The following ARHGEF1 variants were observed in gnomAD, a reference collection of about 807,000 sequenced individuals.
ARHGEF1 encodes 115 kDa guanine nucleotide exchange factor.
ARHGEF1 carries 40 observed loss-of-function variants against 119.7 expected under a neutral mutation model. That is an observed-to-expected ratio of 0.33 (90% CI 0.26 to 0.44). ARHGEF1 has a LOEUF of 0.44. ARHGEF1 is among the 20% of genes least tolerant of loss of function. The probability of loss-of-function intolerance (pLI) is 1.00; values close to 1 mark genes in which losing one functional copy is unlikely to be tolerated. For synonymous variants in ARHGEF1, 494 were observed against 521.0 expected (o/e 0.95, Z 0.71); for missense variants, 976 against 1,268.3 (o/e 0.77, Z 3.50).
upstream of ARHGEF1, among the ~76,000 whole-genome samples, chr19:41,920,667 C>T (rs1555852401): frequency 6.6e-6 from 1 of 152,276 alleles, no homozygotes; most frequent in Non-Finnish European, 1.5e-5. Flanking sequence ...ACACAGATCA[C>T]ATTCACAGAC....
At chr19:41,901,694 C>A (rs1042719413) in intron 14 of ARHGEF1, among the ~76,000 whole-genome samples, 193 bp from the exon 15 acceptor site, 3 of 152,316 alleles carry the variant, frequency 2.0e-5, no homozygotes. Context: ...TTCAAGCAAT[C>A]CTCTTGCCTT....
chr19:41,886,275 A>G (rs1201344655), intron 1 of ARHGEF1, among the ~76,000 whole-genome samples: 2 of 152,168 alleles, frequency 1.3e-5, no homozygotes, highest in African/African-American at 2.4e-5. Context: ...TCATTTCATT[A>G]TTATTGTGAT....
intron 1 of ARHGEF1, chr19:41,928,026 C>T (rs1175202564): frequency 2.6e-5 from 4 of 152,174 alleles, no homozygotes; most frequent in African/African-American, 9.7e-5. Context: ...GCGCCGGCCG[C>T]GGCGCTCACT....
rs201928871 is a variant in ARHGEF1 at position 41,905,001 on chromosome 19, C to T, written c.2214C>T (p.Tyr738=). The T allele has an allele frequency of 3.5e-5, 56 of 1,614,162 alleles. No individual in the cohort carries two copies. Among genetic ancestry groups the T allele is most frequent in the African/African-American group, 1.7e-4 (13 of 75,050 alleles). ...LFTWDQEAQI[Y]ELVAQTVSER... ...CCTGGGACCAGGAGGCCCAGATATACGAGCTGGTGGCACAGACTGTGTCGG... is the reference window on the plus strand; with the variant it reads ...CCTGGGACCAGGAGGCCCAGATATATGAGCTGGTGGCACAGACTGTGTCGG... The change falls in exon 23 of 29, where the codon TAC becomes TAT. Residue 738 remains tyrosine (Y), a synonymous_variant. Transcript: ENST00000354532. This position sits in a 1 kb window ranked among gnomAD's most constrained non-coding sequence, Gnocchi z 6.4.
In ARHGEF1 at chr19:41,901,084, C is replaced by T. The variant is rs370697966; in HGVS notation, c.1268-803C>T. On this transcript the variant is annotated intron_variant, in intron 14 of 28. Coordinates refer to ENST00000354532, the MANE Select transcript of ARHGEF1 (RefSeq NM_004706.4). ...GATTACAGGCATGAGCCACTGCACCCGGCCCCTCAGTGGCTATTTAAGAGG... is the reference window on the plus strand; with the variant it reads ...GATTACAGGCATGAGCCACTGCACCTGGCCCCTCAGTGGCTATTTAAGAGG... Among the ~76,000 whole-genome samples the T allele has an allele frequency of 7.2e-5, 11 of 151,930 alleles. No homozygotes were observed. The South Asian group carries it at 1.0e-3, about 14-fold the overall frequency.
downstream of ARHGEF1, chr19:41,908,966 C>T: frequency 1.3e-6 from 1 of 795,894 alleles, no homozygotes; most frequent in Non-Finnish European, 1.7e-6. This position sits in a 1 kb window ranked among gnomAD's most constrained non-coding sequence, Gnocchi z 6.7. Flanking sequence ...GGCCCCCTTC[C>T]CCATCTCTTC....
At position 41,892,500 on chromosome 19, in the gene ARHGEF1, C is replaced by T. The variant is rs2074393220; in HGVS notation, c.368-103C>T. ...CCGAGATTCATTCATTCCTTCTTGG[C>T]AGCGGCCTCAGGACGTGTGGCTGTT... On this transcript the variant is annotated intron_variant, in intron 6 of 28. Transcript: ENST00000354532. This position sits in a 1 kb window ranked among gnomAD's most constrained non-coding sequence, Gnocchi z 6.3. 1 of 1,580,526 alleles carries T rather than the reference C, an allele frequency of 6.3e-7. No individual in the cohort carries two copies. Among genetic ancestry groups the T allele is most frequent in the Non-Finnish European group, 8.6e-7 (1 of 1,157,862 alleles).
Position 41,904,969 on chromosome 19 carries a change from C to T in ARHGEF1, c.2182C>T (p.Leu728Phe). Residue 728 changes from leucine (L) to phenylalanine (F), a missense_variant, in exon 23 of 29, where the codon CTT becomes TTT. Around this residue, in one of 3 missense-constraint regions of ARHGEF1, gnomAD observed 286 missense variants for 506.8 expected, o/e 0.56. Coordinates refer to ENST00000354532, the MANE Select transcript of ARHGEF1 (RefSeq NM_004706.4). This position sits in a 1 kb window ranked among gnomAD's most constrained non-coding sequence, Gnocchi z 8.4. Reference sequence around the variant, plus strand: ...TGCAGATCACAAAGCCTTCTACGTCCTTTTTACCTGGGACCAGGAGGCCCA... The same window carrying T: ...TGCAGATCACAAAGCCTTCTACGTCTTTTTTACCTGGGACCAGGAGGCCCA... Reference protein sequence around the residue: ...VATDHKAFYVLFTWDQEAQIY... With the variant: ...VATDHKAFYVFFTWDQEAQIY... 6.2e-7 allele frequency: 1 copy of T among 1,614,150 alleles called. No individual in the cohort carries two copies. Among genetic ancestry groups the T allele is most frequent in the Non-Finnish European group, 8.5e-7 (1 of 1,179,994 alleles).
chr19:41,905,487 G>T lies in ARHGEF1; in HGVS notation c.2336+226G>T. The T allele has an allele frequency of 3.3e-6, 2 of 613,956 alleles. No homozygotes were observed. The highest frequency in any genetic ancestry group is 2.0e-5 in the South Asian group (1 of 51,052). The allele number at this position is 613,956 out of a possible 1,614,324, so 38.0% of individuals were successfully genotyped here. Reference sequence around the variant, plus strand: ...GCATGTGTGTGCGTGTATGGTGTGTGTGTATGCATATGTGTGCATGCGTGT... The same window carrying T: ...GCATGTGTGTGCGTGTATGGTGTGTTTGTATGCATATGTGTGCATGCGTGT... On this transcript the variant is annotated intron_variant, in intron 24 of 28. Transcript: ENST00000354532. The surrounding 1 kb of genome is among the most constrained non-coding windows in gnomAD (Gnocchi z 6.4).
chr19:41,925,723 A>G (rs1373744767), intron 1 of ARHGEF1, among the ~76,000 whole-genome samples: 1 of 152,116 alleles, frequency 6.6e-6, no homozygotes, highest in Admixed American at 6.5e-5. Context: ...GTACGGGGGA[A>G]TCCTTGGAAG....
At position 41,889,142 on chromosome 19, in the gene ARHGEF1, G is replaced by T; in HGVS notation, c.225+277G>T. The T allele has an allele frequency of 2.8e-6, 1 of 351,392 alleles. No individual in the cohort carries two copies. Among genetic ancestry groups the T allele is most frequent in the Non-Finnish European group, 5.3e-6 (1 of 189,356 alleles). 21.8% of individuals were successfully genotyped at this position (351,392 alleles called of 1,614,324 possible). On this transcript the variant is annotated intron_variant, in intron 4 of 28. Coordinates refer to ENST00000354532, the MANE Select transcript of ARHGEF1 (RefSeq NM_004706.4). This position sits in a 1 kb window ranked among gnomAD's most constrained non-coding sequence, Gnocchi z 4.0. Reference sequence around the variant, plus strand: ...GAGCCACAGAGAGTCCAGCAGCCTGGCAGAAACCACATCCCATCCCACTCT... The same window carrying T: ...GAGCCACAGAGAGTCCAGCAGCCTGTCAGAAACCACATCCCATCCCACTCT...
At chr19:41,908,772 G>A (rs111463697), downstream of ARHGEF1, 4,859 of 598,776 alleles carry the variant, frequency 8.1e-3, 189 homozygotes, top group African/African-American at 0.082. The surrounding 1 kb of genome is among the most constrained non-coding windows in gnomAD (Gnocchi z 6.7). Context: ...CCATCTCCCC[G>A]CATCCCTCCT....
intron 18 of ARHGEF1, chr19:41,913,058 C>CCCGCAA: frequency 2.5e-6 from 1 of 405,268 alleles, no homozygotes; most frequent in Non-Finnish European, 4.3e-6. Context: ...ACACCCTCTC[C>CCCGCAA]CCGCAATCCC....
rs1194584677 is a variant in ARHGEF1 at position 41,894,218 on chromosome 19, T to G, written c.656T>G (p.Val219Gly). The G allele has an allele frequency of 6.5e-7, 1 of 1,536,334 alleles. No individual in the cohort carries two copies. Among genetic ancestry groups the G allele is most frequent in the Admixed American group, 2.1e-5 (1 of 48,446 alleles). The change falls in exon 9 of 29, where the codon GTC (valine) becomes GGC (glycine). Residue 219 changes from valine to glycine, a missense_variant. Transcript: ENST00000354532. The part of the protein sequence containing the change: ...STDEEKSAAV[V>G]NAIGLYMRHL... ...TCCCTTCCCTACAGTGCTGCCGTGG[T>G]CAACGCCATTGGCCTGTACATGCGC...
rs780851413 is a variant in ARHGEF1, at chr19:41,903,725, C to T, written c.1858C>T (p.Arg620Trp). The T allele has an allele frequency of 1.2e-6, 2 of 1,613,008 alleles. No individual in the cohort carries two copies. The highest frequency in any genetic ancestry group is 1.7e-6 in the Non-Finnish European group (2 of 1,180,006). ...GCCCCAGAGGCTCAAGGACTATCAG[C>T]GGCGCCTGGACTTGTCCCACCTTCG... ...EDLLRLKDYQ[R>W]RLDLSHLRQS... Residue 620 changes from arginine (R) to tryptophan (W), a missense_variant, in exon 20 of 29, where the codon CGG becomes TGG. Arg to Trp is a moderately radical substitution (Grantham distance 101). This residue lies in a region of ARHGEF1 where 286 missense variants were observed against 506.8 expected (regional missense o/e 0.56). Coordinates refer to ENST00000354532, the MANE Select transcript of ARHGEF1 (RefSeq NM_004706.4). This position sits in a 1 kb window ranked among gnomAD's most constrained non-coding sequence, Gnocchi z 4.2.
upstream of ARHGEF1, among the ~76,000 whole-genome samples, chr19:41,922,441 G>A (rs899546532): frequency 2.0e-5 from 3 of 152,172 alleles, no homozygotes; most frequent in South Asian, 2.1e-4. Context: ...ACTGAGATGC[G>A]GGAGCACACA....
At chr19:41,922,610 C>T (rs924482283), upstream of ARHGEF1, among the ~76,000 whole-genome samples, 2 of 151,372 alleles carry the variant, frequency 1.3e-5, no homozygotes, top group Non-Finnish European at 2.9e-5. Flanking sequence ...CTCCGAGGGA[C>T]GAGGGACCAG....
At chr19:41,914,609 C>T (rs1431043292) in intron 18 of ARHGEF1, among the ~76,000 whole-genome samples, 2 of 49,880 alleles carry the variant, frequency 4.0e-5, no homozygotes, top group Non-Finnish European at 6.8e-5. Context: ...TCTGTCTCTC[C>T]CTCCCCTTCC....
chr19:41,887,994 G>A (rs2074320524), intron 1 of ARHGEF1, 70 bp from the exon 2 acceptor site: 1 of 1,531,394 alleles, frequency 6.5e-7, no homozygotes, highest in East Asian at 2.3e-5. Context: ...CCTGGGCCAG[G>A]AATCTGTGAG....
Sources: allele counts gnomAD v4.1 joint callset (sites outside exome capture counted in the v4.1 genomes callset), GRCh38; gene constraint gnomAD v4.1.1; regional missense constraint gnomAD v4.1.1; non-coding constraint Gnocchi (gnomAD v3.1); transcripts MANE v1.5; gene names NCBI Gene and HGNC (gene_info 2026-07-23, HGNC 2026-07-21).